The following PLEKHA5 variants were observed in gnomAD, a reference collection of about 807,000 sequenced individuals.
PLEKHA5 encodes the protein pleckstrin homology domain-containing family A member 5.
A neutral mutation model predicts 181.9 loss-of-function variants in PLEKHA5; 55 were observed. The observed-to-expected ratio is 0.30, with a 90% CI of 0.24 to 0.38. The LOEUF is 0.38. Ranked by LOEUF, PLEKHA5 falls within the 10% of genes least tolerant of loss-of-function variation. The pLI is 1.00. For synonymous variants in PLEKHA5, 535 were observed against 529.4 expected (o/e 1.01, Z -0.15); for missense variants, 1,432 against 1,549.5 (o/e 0.92, Z 1.27).
chr12:19,234,343 C>A (rs1352954319), intron 3 of PLEKHA5, among the ~76,000 whole-genome samples: 1 of 152,128 alleles, frequency 6.6e-6, no homozygotes, highest in Non-Finnish European at 1.5e-5. Context: ...TCACTTCAGG[C>A]TGTTAGGGCC....
intron 3 of PLEKHA5, among the ~76,000 whole-genome samples, chr12:19,176,082 A>T (rs751386445): frequency 6.6e-6 from 1 of 152,162 alleles, no homozygotes; most frequent in Non-Finnish European, 1.5e-5. Context: ...AGAAGTGAAT[A>T]TAACACAAAT....
rs905984416 is a variant in PLEKHA5 at position 19,286,038 on chromosome 12, G to C, written c.1780-1435G>C. Among the ~76,000 whole-genome samples, 20 of 152,310 alleles carry C rather than the reference G, an allele frequency of 1.3e-4. No homozygotes were observed. The East Asian group carries it at 3.3e-3, about 25-fold the overall frequency. On this transcript the variant is annotated intron_variant, in intron 12 of 31. Transcript: ENST00000429027. ...GTCACTTCAAGGAAAACAACTGACAGTATTTGTTACTGATAACAACGTTTG... is the reference window on the plus strand; with the variant it reads ...GTCACTTCAAGGAAAACAACTGACACTATTTGTTACTGATAACAACGTTTG...
At chr12:19,335,877 C>G (rs1772786751) in intron 20 of PLEKHA5, among the ~76,000 whole-genome samples, 1 of 152,040 alleles carries the variant, frequency 6.6e-6, no homozygotes, top group African/African-American at 2.4e-5. Flanking sequence ...AGTGATCTGC[C>G]CCCGTCAGCC....
At chr12:19,162,455 A>G (rs1259605308) in intron 3 of PLEKHA5, among the ~76,000 whole-genome samples, 4 of 152,188 alleles carry the variant, frequency 2.6e-5, no homozygotes, top group African/African-American at 9.7e-5. Context: ...AATTTTAGAT[A>G]TTCTCTATTT....
At chr12:19,180,204 G>T (rs1654980003) in intron 3 of PLEKHA5, among the ~76,000 whole-genome samples, 1 of 152,170 alleles carries the variant, frequency 6.6e-6, no homozygotes, top group Non-Finnish European at 1.5e-5. Context: ...TATTGTGCGT[G>T]TCTGCTCTTT....
intron 3 of PLEKHA5, among the ~76,000 whole-genome samples, chr12:19,247,935 AAG>A (rs59039476): frequency 2.2e-4 from 33 of 150,354 alleles, no homozygotes; most frequent in East Asian, 7.8e-4. Context: ...TTAAAAAAAA[AAG>A]AGAGAGAGAG....
chr12:19,361,044 T>C (rs7488257), intron 28 of PLEKHA5, among the ~76,000 whole-genome samples: 114,904 of 151,598 alleles, frequency 0.76, 46,263 homozygotes, highest in Non-Finnish European at 0.92. Context: ...TGTGAGCCAC[T>C]GTGCCCGGCC....
intron 3 of PLEKHA5, among the ~76,000 whole-genome samples, chr12:19,203,414 G>A (rs1002518196): frequency 4.6e-5 from 7 of 151,864 alleles, no homozygotes; most frequent in African/African-American, 4.8e-5. Context: ...GTTGACAGCC[G>A]TCACTTTCTA....
At chr12:19,241,757 T>G (rs2152456149) in intron 3 of PLEKHA5, among the ~76,000 whole-genome samples, 1 of 39,222 alleles carries the variant, frequency 2.5e-5, no homozygotes, top group East Asian at 2.9e-4. Flanking sequence ...TGAGATTCCA[T>G]CTAAAAAAAA....
intron 16 of PLEKHA5, among the ~76,000 whole-genome samples, chr12:19,316,465 T>TTA (rs2153011880): frequency 6.6e-6 from 1 of 152,254 alleles, no homozygotes; most frequent in Admixed American, 6.5e-5. Context: ...GACTGGCACA[T>TTA]TATAGCATCA....
At chr12:19,371,495 T>C (rs1467758316) in intron 31 of PLEKHA5, 1 of 153,354 alleles carries the variant, frequency 6.5e-6, no homozygotes, top group African/African-American at 2.4e-5. Context: ...CAAAGTCCAT[T>C]ATACCACACT....
chr12:19,297,599 G>A (rs1439214619), intron 15 of PLEKHA5, among the ~76,000 whole-genome samples: 3 of 146,632 alleles, frequency 2.0e-5, no homozygotes, highest in East Asian at 2.0e-4. Flanking sequence ...TCCGCAGTCC[G>A]GCCTGGGCGA....
intron 12 of PLEKHA5, 40 bp downstream of exon 12, chr12:19,283,785 T>A (rs755842970): frequency 3.2e-6 from 4 of 1,265,692 alleles, no homozygotes; most frequent in Non-Finnish European, 4.6e-6. Flanking sequence ...CACTACCTTA[T>A]AAATGCTGTG....
chr12:19,219,854 G>GAA (rs1274592123), intron 3 of PLEKHA5, among the ~76,000 whole-genome samples: 5 of 151,912 alleles, frequency 3.3e-5, no homozygotes, highest in African/African-American at 9.7e-5. Flanking sequence ...TAAAAAGTAG[G>GAA]AACAATAGAA....
At chr12:19,367,651 C>T (rs1457343086) in intron 30 of PLEKHA5, among the ~76,000 whole-genome samples, 1 of 151,952 alleles carries the variant, frequency 6.6e-6, no homozygotes, top group Non-Finnish European at 1.5e-5. Flanking sequence ...GCGATCTCCA[C>T]TCACTGCAAG....
intron 3 of PLEKHA5, among the ~76,000 whole-genome samples, chr12:19,227,509 A>G (rs1236774066): frequency 6.6e-6 from 1 of 152,072 alleles, no homozygotes; most frequent in African/African-American, 2.4e-5. Flanking sequence ...AGTTCCTTCC[A>G]TTTTCCTGCT....
chr12:19,163,669 C>CCTAT (rs71440393), intron 3 of PLEKHA5, among the ~76,000 whole-genome samples: 83,247 of 150,660 alleles, frequency 0.55, 24,779 homozygotes, highest in Non-Finnish European at 0.69. Context: ...GTGTGGTCTT[C>CCTAT]CTATCTATCT....
intron 20 of PLEKHA5, among the ~76,000 whole-genome samples, chr12:19,328,423 A>C (rs1383975104): frequency 6.6e-6 from 1 of 152,188 alleles, no homozygotes; most frequent in African/African-American, 2.4e-5. Context: ...GACCATTTTA[A>C]CAATATTGAT....
chr12:19,260,280 A>G (rs1317766751), intron 6 of PLEKHA5, among the ~76,000 whole-genome samples: 3 of 152,344 alleles, frequency 2.0e-5, no homozygotes, highest in South Asian at 2.1e-4. Context: ...GAAGATTAAC[A>G]TATTTATTAA....
Sources: allele counts gnomAD v4.1 joint callset (sites outside exome capture counted in the v4.1 genomes callset), GRCh38; gene constraint gnomAD v4.1.1; transcripts MANE v1.5; gene names NCBI Gene and HGNC (gene_info 2026-07-23, HGNC 2026-07-21).